Variants in METTL2A observed in about 807,000 individuals in gnomAD.
The protein encoded by METTL2A is methyltransferase 2A, tRNA N3-cytidine.
METTL2A carries 45 observed loss-of-function variants against 49.4 expected under a neutral mutation model. The observed-to-expected ratio is 0.91, with a 90% confidence interval of 0.72 to 1.17. The LOEUF (loss-of-function observed/expected upper bound fraction) is 1.17, where lower values mean the gene tolerates loss of function less well. METTL2A is among the 50% of genes most tolerant of loss of function. METTL2A has a pLI of 0.00. For synonymous variants in METTL2A, 118 were observed against 167.5 expected (o/e 0.70, Z 2.28); for missense variants, 361 against 462.2 (o/e 0.78, Z 2.01).
chr17:62,448,628 G>C lies in METTL2A; in HGVS notation c.1036G>C (p.Val346Leu). The C allele has an allele frequency of 1.2e-6, 2 of 1,614,202 alleles. No homozygotes were observed. The highest frequency in any genetic ancestry group is 1.3e-5 in the African/African-American group (1 of 75,052). The stretch of plus-strand genomic sequence containing the variant: ...TGGACTGGAAAAAGTTCAGAACCTG[G>C]TGGATCGCCGACTGCAGGTGAACCG... ...TAGLEKVQNLVDRRLQVNRGK... is the reference protein window; with the variant it reads ...TAGLEKVQNLLDRRLQVNRGK... Residue 346 changes from valine (V) to leucine (L), a missense_variant, in exon 9 of 9, where the codon GTG (valine) becomes CTG (leucine). By Grantham distance (32) the Val-to-Leu change is conservative. Coordinates refer to ENST00000311506, the MANE Select transcript of METTL2A (RefSeq NM_181725.4).
chr17:62,447,857 C>T, intron 8 of METTL2A, 91 bp downstream of exon 8: 1 of 1,583,158 alleles, frequency 6.3e-7, no homozygotes, highest in Non-Finnish European at 8.6e-7. Flanking sequence ...TATCTGGTCC[C>T]TCCTGCCTTT....
intron 6 of METTL2A, among the ~76,000 whole-genome samples, chr17:62,442,978 T>A (rs1053116073): frequency 6.6e-6 from 1 of 152,134 alleles, no homozygotes. Flanking sequence ...CCACACTTCC[T>A]CTAGAAGGGT....
chr17:62,437,930 C>A (rs1263899548), intron 5 of METTL2A, among the ~76,000 whole-genome samples: 1 of 151,492 alleles, frequency 6.6e-6, no homozygotes, highest in African/African-American at 2.4e-5. Context: ...CGAGATCGCA[C>A]CACTGCACTC....
At chr17:62,448,464 T>TA (rs1343086138) in intron 8 of METTL2A, 111 bp from the exon 9 acceptor site, 4 of 1,508,498 alleles carry the variant, frequency 2.7e-6, no homozygotes, top group African/African-American at 1.4e-5. Flanking sequence ...AATGGCCATG[T>TA]AAAAAACATG....
In METTL2A at chr17:62,434,839, G is replaced by C. The variant is rs1371130762; in HGVS notation, c.609-393G>C. ...CTGTCAAAGCACTCACTCACTATGT[G>C]GTGGGGGCCAACAGACAGGTACAGA... is the stretch of plus-strand genomic sequence containing the variant. On this transcript the variant is annotated intron_variant, in intron 4 of 8. Coordinates refer to ENST00000311506, the MANE Select transcript of METTL2A (RefSeq NM_181725.4). The C allele has an allele frequency of 3.2e-5, 7 of 215,882 alleles. No individual in the cohort carries two copies. In the Admixed American group the frequency reaches 3.6e-4, roughly 11 times the overall value. 13.4% of individuals were successfully genotyped at this position (215,882 alleles called of 1,614,324 possible).
At chr17:62,425,549 G>A (rs1207732285) in intron 2 of METTL2A, among the ~76,000 whole-genome samples, 1 of 149,408 alleles carries the variant, frequency 6.7e-6, no homozygotes, top group East Asian at 2.0e-4. Context: ...ACCACGCCTG[G>A]CTAATTTTTT....
Position 62,440,564 on chromosome 17 carries a change from T to C in METTL2A, c.670-53T>C, listed in dbSNP as rs1392671834. 8 of 1,556,272 alleles carry C rather than the reference T, an allele frequency of 5.1e-6. No individual in the cohort carries two copies. In the African/African-American group the frequency reaches 9.7e-5, roughly 19 times the overall value. On this transcript the variant is annotated intron_variant, in intron 5 of 8. Transcript: ENST00000311506. ...AAATTTAAAACAAGATAATCTTTTC[T>C]TTAGGCTATGTTAATATTTTCTAAC...
chr17:62,437,606 G>C (rs926335473), intron 5 of METTL2A, among the ~76,000 whole-genome samples: 22 of 152,214 alleles, frequency 1.4e-4, no homozygotes, highest in African/African-American at 5.3e-4. Flanking sequence ...AGCCCTGTTT[G>C]AATCAGCTTT....
chr17:62,448,709 C>G lies in METTL2A; in HGVS notation c.1117C>G (p.Leu373Val), dbSNP rs1227149208. The part of the protein sequence containing the change: ...VWIQCKYCKP[L>V]LSSTS Reference sequence around the variant, plus strand: ...GATTCAGTGCAAATACTGCAAGCCCCTTCTGTCCAGCACCAGCTGAGAGGC... The same window carrying G: ...GATTCAGTGCAAATACTGCAAGCCCGTTCTGTCCAGCACCAGCTGAGAGGC... Residue 373 changes from leucine to valine, a missense_variant, in exon 9 of 9, where the codon CTT (leucine) becomes GTT (valine). By Grantham distance (32) the Leu-to-Val change is conservative (BLOSUM62 1). Transcript: ENST00000311506. 2 of 1,613,980 alleles carry G rather than the reference C, an allele frequency of 1.2e-6. No homozygotes were observed. The highest frequency in any genetic ancestry group is 2.7e-5 in the African/African-American group (2 of 74,900).
chr17:62,424,764 G>T (rs1275189046), intron 2 of METTL2A, among the ~76,000 whole-genome samples: 2 of 151,880 alleles, frequency 1.3e-5, no homozygotes, highest in East Asian at 1.9e-4. Flanking sequence ...TTGTGTGATG[G>T]TTATGAGAAT....
At chr17:62,433,925 G>A (rs915645861) in intron 4 of METTL2A, among the ~76,000 whole-genome samples, 3 of 152,070 alleles carry the variant, frequency 2.0e-5, no homozygotes, top group Non-Finnish European at 2.9e-5. Context: ...AGCTGGGCAC[G>A]GTGGTGCGCA....
chr17:62,442,506 T>G (rs1048599461), intron 6 of METTL2A, among the ~76,000 whole-genome samples: 2 of 152,072 alleles, frequency 1.3e-5, no homozygotes, highest in African/African-American at 4.8e-5. Context: ...CTTGAACTCC[T>G]TACCTCAAGT....
chr17:62,434,810 G>A (rs911430663), intron 4 of METTL2A: 2 of 185,880 alleles, frequency 1.1e-5, no homozygotes, highest in Admixed American at 5.3e-5. Flanking sequence ...AGATATAATC[G>A]CCACTGTCAA....
intron 4 of METTL2A, among the ~76,000 whole-genome samples, chr17:62,429,384 G>C (rs1213907182): frequency 6.6e-6 from 1 of 151,996 alleles, no homozygotes; most frequent in East Asian, 1.9e-4. Context: ...TCCGCCTTCC[G>C]GGTTCAAGTG....
rs1231347718 is a variant in METTL2A, at chr17:62,447,711, A to G, written c.927A>G (p.Leu309=). The change falls in exon 8 of 9, where the codon CTA becomes CTG. Residue 309 remains leucine (L), a synonymous_variant. Coordinates refer to ENST00000311506, the MANE Select transcript of METTL2A (RefSeq NM_181725.4). Reference sequence around the variant, plus strand: ...CACATCACTCTGCAGGTCAGTGTCTATCTGGAAATTTCTACGTGAGAGGTG... The same window carrying G: ...CACATCACTCTGCAGGTCAGTGTCTGTCTGGAAATTTCTACGTGAGAGGTG... ...AQLRFKKGQC[L]SGNFYVRGDG... The G allele has an allele frequency of 6.2e-7, 1 of 1,614,154 alleles. No homozygotes were observed. The highest frequency in any genetic ancestry group is 1.7e-5 in the Admixed American group (1 of 60,016).
chr17:62,440,871 T>A, intron 6 of METTL2A, 115 bp downstream of exon 6: 1 of 1,351,576 alleles, frequency 7.4e-7, no homozygotes, highest in Non-Finnish European at 1.0e-6. Flanking sequence ...AGTGGCACGA[T>A]CATGGCTCAC....
chr17:62,440,403 AG>A (rs1255685290), intron 5 of METTL2A, among the ~76,000 whole-genome samples: 2 of 152,092 alleles, frequency 1.3e-5, no homozygotes, highest in Non-Finnish European at 2.9e-5. Flanking sequence ...CCTACTCTGG[AG>A]GGTGAGGCAA....
At chr17:62,439,852 C>T (rs2144149563) in intron 5 of METTL2A, among the ~76,000 whole-genome samples, 1 of 152,014 alleles carries the variant, frequency 6.6e-6, no homozygotes, top group African/African-American at 2.4e-5. Context: ...AGAAAGTACA[C>T]AAGAATAAAG....
intron 2 of METTL2A, among the ~76,000 whole-genome samples, chr17:62,424,545 ATGT>A (rs1289691427): frequency 1.3e-5 from 2 of 152,072 alleles, no homozygotes; most frequent in East Asian, 1.9e-4. Context: ...GAGGAGGGTA[ATGT>A]TGTCTTTAAT....
Sources: allele counts gnomAD v4.1 joint callset (sites outside exome capture counted in the v4.1 genomes callset), GRCh38; gene constraint gnomAD v4.1.1; transcripts MANE v1.5; gene names NCBI Gene and HGNC (gene_info 2026-07-23, HGNC 2026-07-21).